Variants in ARID1B observed in about 807,000 individuals in gnomAD.
The protein encoded by ARID1B is AT-rich interaction domain 1B.
A neutral mutation model predicts 212.3 loss-of-function variants in ARID1B; 30 were observed. The observed-to-expected ratio is 0.14, with a 90% CI of 0.11 to 0.19. The LOEUF (loss-of-function observed/expected upper bound fraction) is 0.19. ARID1B is among the 10% of genes least tolerant of loss of function. The pLI is 1.00. For synonymous variants in ARID1B, 1,402 were observed against 1,301.7 expected, an observed-to-expected ratio of 1.08 and a Z score of -1.66; for missense variants, 2,891 against 3,204.0, an observed-to-expected ratio of 0.90 and a Z score of 2.36.
chr6:157,007,482 G>T lies in ARID1B; in HGVS notation c.2247+71906G>T, dbSNP rs373857510. Among the ~76,000 whole-genome samples the T allele has an allele frequency of 3.3e-5, 5 of 152,220 alleles. No individual in the cohort carries two copies. The South Asian group carries it at 1.0e-3, about 32-fold the overall frequency. The stretch of plus-strand genomic sequence containing the variant: ...ACATTAATGTTTTCTACATATTTTG[G>T]CAATGTTTTGTTAATTTAAAGCGAA... On this transcript the variant is annotated intron_variant, in intron 4 of 19. Coordinates refer to ENST00000636930, the MANE Select transcript of ARID1B (RefSeq NM_001374828.1).
intron 3 of ARID1B, among the ~76,000 whole-genome samples, chr6:156,933,330 A>G (rs886163990): frequency 6.6e-6 from 1 of 151,668 alleles, no homozygotes; most frequent in Non-Finnish European, 1.5e-5. Context: ...GCCCATTGTG[A>G]GGCTGTCCTG....
At chr6:156,828,491 A>G (rs1782915685) in intron 1 of ARID1B, among the ~76,000 whole-genome samples, 1 of 152,174 alleles carries the variant, frequency 6.6e-6, no homozygotes, top group Non-Finnish European at 1.5e-5. Context: ...ACGTCCCAGG[A>G]CATGAAGGGC....
At chr6:156,813,031 C>CATATATATACACATACGTATGTATATAT (rs1562404364) in intron 1 of ARID1B, among the ~76,000 whole-genome samples, 5 of 71,686 alleles carry the variant, frequency 7.0e-5, no homozygotes, top group Non-Finnish European at 1.4e-4. Context: ...TATGTATATA[C>CATATATATACACATACGTATGTATATAT]ATATATATAT....
chr6:156,918,871 T>G (rs977301883), intron 3 of ARID1B, among the ~76,000 whole-genome samples: 3 of 152,152 alleles, frequency 2.0e-5, no homozygotes, highest in Non-Finnish European at 4.4e-5. Context: ...ACTAGTGACC[T>G]TCCTCTCTCT....
chr6:156,983,656 GGGTCTCAGT>G (rs1777753604), intron 4 of ARID1B, among the ~76,000 whole-genome samples: 1 of 152,154 alleles, frequency 6.6e-6, no homozygotes, highest in Non-Finnish European at 1.5e-5. Context: ...GAGGGGCTTA[GGGTCTCAGT>G]GTTCGGTACT....
At chr6:157,074,816 C>T (rs1014827228) in intron 4 of ARID1B, among the ~76,000 whole-genome samples, 2 of 152,098 alleles carry the variant, frequency 1.3e-5, no homozygotes, top group Non-Finnish European at 1.5e-5. Flanking sequence ...CTCCAGGGAA[C>T]AGGGTAATTA....
At chr6:157,129,171 C>T (rs1304407922) in intron 6 of ARID1B, among the ~76,000 whole-genome samples, 3 of 152,234 alleles carry the variant, frequency 2.0e-5, no homozygotes, top group African/African-American at 7.2e-5. Flanking sequence ...TTATAGGACA[C>T]TTTGACATAT....
At chr6:156,890,801 A>T (rs1291437377) in intron 2 of ARID1B, among the ~76,000 whole-genome samples, 19 of 152,236 alleles carry the variant, frequency 1.2e-4, no homozygotes, top group Admixed American at 1.2e-3. Flanking sequence ...TACAGTGCAT[A>T]CAGTAAGTGC....
Position 156,778,709 on chromosome 6 carries a change from C to G in ARID1B, c.1029C>G (p.Ser343Arg), listed in dbSNP as rs866680567. 6.6e-7 allele frequency: 1 copy of G among 1,521,372 alleles called. No homozygotes were observed. Among genetic ancestry groups the G allele is most frequent in the Non-Finnish European group, 8.8e-7 (1 of 1,133,278 alleles). 94.2% of individuals were successfully genotyped at this position (1,521,372 alleles called of 1,614,324 possible). Reference sequence around the variant, plus strand: ...TTGATCAACATGGCGGACAACAAAGCCCCGGGATGGGGATGATGCACTCCG... The same window carrying G: ...TTGATCAACATGGCGGACAACAAAGGCCCGGGATGGGGATGATGCACTCCG... ...PCFDQHGGQQ[S>R]PGMGMMHSAS... The change falls in exon 1 of 20, where the codon AGC (serine) becomes AGG (arginine). Residue 343 changes from serine to arginine, a missense_variant. Physicochemically the swap from Ser to Arg is moderately radical, Grantham distance 110 (BLOSUM62 -1). Coordinates refer to ENST00000636930, the MANE Select transcript of ARID1B (RefSeq NM_001374828.1).
intron 4 of ARID1B, among the ~76,000 whole-genome samples, chr6:156,947,870 C>A (rs1212461534): frequency 1.3e-5 from 2 of 152,096 alleles, no homozygotes; most frequent in South Asian, 2.1e-4. Context: ...TTAATGATTT[C>A]TTAACATGCA....
At chr6:156,895,576 C>T (rs1788312567) in intron 2 of ARID1B, among the ~76,000 whole-genome samples, 2 of 152,140 alleles carry the variant, frequency 1.3e-5, no homozygotes, top group African/African-American at 2.4e-5. Flanking sequence ...CTTGAGTTTC[C>T]CAGGGCCACC....
chr6:156,896,512 G>T (rs894281063), intron 2 of ARID1B, among the ~76,000 whole-genome samples: 5 of 140,156 alleles, frequency 3.6e-5, no homozygotes, highest in Non-Finnish European at 6.0e-5. Flanking sequence ...GGAGGCAGAG[G>T]TTACAGTGAG....
chr6:156,987,571 C>T (rs894603652), intron 4 of ARID1B, among the ~76,000 whole-genome samples: 1 of 152,172 alleles, frequency 6.6e-6, no homozygotes, highest in South Asian at 2.1e-4. Context: ...ACCTTGTGAT[C>T]CGCCCGCCTC....
At chr6:156,794,484 C>A (rs533481752) in intron 1 of ARID1B, among the ~76,000 whole-genome samples, 1 of 149,052 alleles carries the variant, frequency 6.7e-6, no homozygotes, top group East Asian at 2.0e-4. Flanking sequence ...ACATTCTGGG[C>A]GGCTCAAGCA....
At chr6:156,818,929 A>T (rs1049768488) in intron 1 of ARID1B, among the ~76,000 whole-genome samples, 3 of 151,834 alleles carry the variant, frequency 2.0e-5, no homozygotes, top group Non-Finnish European at 2.9e-5. Flanking sequence ...GATGATAATA[A>T]AATCTATCCT....
At chr6:156,978,941 A>G (rs1777432557) in intron 4 of ARID1B, among the ~76,000 whole-genome samples, 1 of 152,206 alleles carries the variant, frequency 6.6e-6, no homozygotes, top group South Asian at 2.1e-4. Context: ...TCAAATGTAT[A>G]TGATAATACA....
chr6:156,879,986 A>G (rs190916002), intron 2 of ARID1B, among the ~76,000 whole-genome samples: 1 of 152,362 alleles, frequency 6.6e-6, no homozygotes, highest in African/African-American at 2.4e-5. Context: ...GGACCCTTCC[A>G]GCATTAGAAG....
At chr6:156,958,666 T>C (rs958099553) in intron 4 of ARID1B, among the ~76,000 whole-genome samples, 2 of 152,226 alleles carry the variant, frequency 1.3e-5, no homozygotes, top group Admixed American at 1.3e-4. Flanking sequence ...TGAATAATCA[T>C]TATTTTTAAT....
At chr6:156,910,046 T>C (rs1789739881) in intron 3 of ARID1B, among the ~76,000 whole-genome samples, 2 of 152,220 alleles carry the variant, frequency 1.3e-5, no homozygotes, top group Admixed American at 1.3e-4. Flanking sequence ...TTTGGGGTGG[T>C]TGTTACCCGT....
Sources: allele counts gnomAD v4.1 joint callset (sites outside exome capture counted in the v4.1 genomes callset), GRCh38; gene constraint gnomAD v4.1.1; transcripts MANE v1.5; gene names NCBI Gene and HGNC (gene_info 2026-07-23, HGNC 2026-07-21).